Variants in CAPRIN2 observed in about 807,000 individuals in gnomAD.
CAPRIN2 encodes caprin family member 2.
Under a neutral mutation model 130.4 loss-of-function variants are expected in CAPRIN2, and 66 were observed. That is an observed-to-expected ratio of 0.51 (90% CI 0.42 to 0.62). The LOEUF (loss-of-function observed/expected upper bound fraction) is 0.62. CAPRIN2 is among the 20% of genes least tolerant of loss of function. The pLI is 0.00. For missense variants in CAPRIN2, 1,185 were observed against 1,246.6 expected (o/e 0.95, Z 0.74); for synonymous variants, 471 against 444.1 (o/e 1.06, Z -0.76).
At chr12:30,747,313 A>T (rs2071039659) in intron 2 of CAPRIN2, among the ~76,000 whole-genome samples, 1 of 152,228 alleles carries the variant, frequency 6.6e-6, no homozygotes, top group Non-Finnish European at 1.5e-5. Flanking sequence ...TGATGTTTTC[A>T]TGCCTGATAA....
At chr12:30,730,155 G>A in intron 7 of CAPRIN2, 84 bp downstream of exon 8, 1 of 1,129,010 alleles carries the variant, frequency 8.9e-7, no homozygotes, top group Non-Finnish European at 1.3e-6. Context: ...CAGGCAGTCT[G>A]GCTCCAGAGC....
intron 12 of CAPRIN2, among the ~76,000 whole-genome samples, chr12:30,717,935 C>T (rs73079959): frequency 0.073 from 11,052 of 152,230 alleles, 464 homozygotes; most frequent in Middle Eastern, 0.13. Context: ...AGCATACTTT[C>T]CTTTTTTCAC....
chr12:30,726,891 C>T (rs946435118), intron 8 of CAPRIN2, among the ~76,000 whole-genome samples: 1 of 152,092 alleles, frequency 6.6e-6, no homozygotes, highest in Non-Finnish European at 1.5e-5. Flanking sequence ...CTTGACTGTA[C>T]TTAGTCAATA....
chr12:30,734,922 A>G (rs780119829), intron 4 of CAPRIN2, 46 bp downstream of exon 5: 4 of 1,298,044 alleles, frequency 3.1e-6, no homozygotes, highest in South Asian at 2.4e-5. Context: ...CTAAAAAGCT[A>G]AAGTGTCAAG....
chr12:30,709,826 T>G (rs2053710409), exon 17 of CAPRIN2: 1 of 1,489,872 alleles, frequency 6.7e-7, no homozygotes, highest in African/African-American at 1.4e-5. Flanking sequence ...CAATCAGTCA[T>G]GAGGGCAAAG....
intron 3 of CAPRIN2, among the ~76,000 whole-genome samples, chr12:30,738,821 A>G (rs2066021155): frequency 1.3e-5 from 2 of 152,260 alleles, no homozygotes; most frequent in Non-Finnish European, 2.9e-5. Context: ...ATCACTGATC[A>G]TTAGAAAAAT....
rs929969658 is a variant in CAPRIN2 at position 30,727,757 on chromosome 12, T to A, written c.1782+891A>T. ...TCTCCAAAACCTAACTACAAAATAT[T>A]TAATGCCAACAGTTTTCCTATCTTT... is the stretch of plus-strand genomic sequence containing the variant. On this transcript the variant is annotated intron_variant, in intron 8 of 16. Coordinates refer to ENST00000298892, the Ensembl canonical transcript of CAPRIN2. 3.9e-4 allele frequency among the ~76,000 whole-genome samples: 59 copies of A among 152,198 alleles called. 1 individual carries two copies. The highest frequency in any genetic ancestry group is 1.4e-3 in the African/African-American group (56 of 41,452).
intron 9 of CAPRIN2, 137 bp downstream of exon 10, chr12:30,725,828 TA>T: frequency 1.7e-6 from 1 of 601,382 alleles, no homozygotes; most frequent in Non-Finnish European, 2.5e-6. Flanking sequence ...GTAATTTGCC[TA>T]AACTCCAGGC....
chr12:30,752,365 A>G (rs1056770084), intron 1 of CAPRIN2, among the ~76,000 whole-genome samples: 4 of 152,192 alleles, frequency 2.6e-5, no homozygotes, highest in African/African-American at 9.7e-5. Context: ...GCTAGAGAGC[A>G]TAAGCATACA....
chr12:30,754,951 G>A (rs2075590110), upstream of CAPRIN2: 1 of 152,490 alleles, frequency 6.6e-6, no homozygotes, highest in South Asian at 1.8e-4. Context: ...CTCGCGCCCA[G>A]GCCCGCCCAC....
exon 1 of CAPRIN2, chr12:30,753,503 G>C (rs765496582): frequency 6.2e-7 from 1 of 1,614,178 alleles, no homozygotes; most frequent in Non-Finnish European, 8.5e-7. Flanking sequence ...GGTTCACTTG[G>C]GGCTTGGCTG....
intron 13 of CAPRIN2, 52 bp from the exon 16 acceptor site, chr12:30,715,193 TATACTTAAAAGCCAATATATATCAA>T: frequency 6.7e-7 from 1 of 1,481,758 alleles, no homozygotes; most frequent in Non-Finnish European, 9.4e-7. Context: ...TAATAGTCTT[TATACTTAAAAGCCAATATATATCAA>T]AATCATTAAT....
chr12:30,732,756 T>G (rs1294361166), intron 5 of CAPRIN2, among the ~76,000 whole-genome samples: 1 of 152,082 alleles, frequency 6.6e-6, no homozygotes, highest in African/African-American at 2.4e-5. Flanking sequence ...TAGATTCCAC[T>G]GCATGGGTAT....
In CAPRIN2 at chr12:30,730,228, C is replaced by T; in HGVS notation, c.1104+11G>A. On this transcript the variant is annotated intron_variant, in intron 7 of 16. Coordinates refer to ENST00000298892, the Ensembl canonical transcript of CAPRIN2. ...AAATCAACATCAGCAAATTGTCTTT[C>T]AGTATCTTACCTCTTGTGGTTGTAT... is the stretch of plus-strand genomic sequence containing the variant. 6.2e-7 allele frequency: 1 copy of T among 1,605,922 alleles called. No homozygotes were observed. The highest frequency in any genetic ancestry group is 1.1e-5 in the South Asian group (1 of 90,760).
At position 30,731,574 on chromosome 12, in the gene CAPRIN2, A is replaced by C; in HGVS notation, c.893-64T>G. The stretch of plus-strand genomic sequence containing the variant: ...TAATTGAAAATTACTGGGAATAGAA[A>C]TCCTAATTTTATCCTAGTTGTAGTA... On this transcript the variant is annotated intron_variant, in intron 5 of 16. Transcript: ENST00000298892. 3 of 1,335,980 alleles carry C rather than the reference A, an allele frequency of 2.2e-6. No individual in the cohort carries two copies. In the East Asian group the frequency reaches 6.9e-5, roughly 31 times the overall value. 82.8% of individuals were successfully genotyped at this position (1,335,980 alleles called of 1,614,324 possible).
chr12:30,712,329 T>C (rs187478478), intron 15 of CAPRIN2, among the ~76,000 whole-genome samples: 2 of 152,280 alleles, frequency 1.3e-5, no homozygotes, highest in South Asian at 2.1e-4. Context: ...AGTTGCCCCT[T>C]TGCAATAGCA....
chr12:30,751,764 GA>G (rs2073971874), intron 1 of CAPRIN2: 1 of 142,660 alleles, frequency 7.0e-6, no homozygotes, highest in Non-Finnish European at 1.5e-5. Flanking sequence ...TGGAAGTACA[GA>G]AACACCAAGA....
At position 30,724,297 on chromosome 12, in the gene CAPRIN2, T is replaced by C. The variant is rs1175761332; in HGVS notation, c.1987+73A>G. 7.7e-6 allele frequency: 7 copies of C among 910,828 alleles called. No individual in the cohort carries two copies. In the South Asian group the frequency reaches 9.6e-5, roughly 12 times the overall value. 56.4% of individuals were successfully genotyped at this position (910,828 alleles called of 1,614,324 possible). A position where few individuals can be genotyped will look rare whatever the true frequency, so the allele number is the denominator to read the frequency against. On this transcript the variant is annotated intron_variant, in intron 10 of 16. Transcript: ENST00000298892. ...TATTAGGACATCTAAAATAAAATCA[T>C]TTGAAAAGACAACAACAACAAATAG...
At chr12:30,729,405 T>C in intron 7 of CAPRIN2, 80 bp from the exon 9 acceptor site, 1 of 981,182 alleles carries the variant, frequency 1.0e-6, no homozygotes, top group Non-Finnish European at 1.5e-6. Flanking sequence ...TTAGTATTGC[T>C]ATGTCCTCTG....
Sources: gnomAD v4.1 joint callset for allele counts (sites outside exome capture counted in the v4.1 genomes callset) on GRCh38, gnomAD v4.1.1 for gene constraint, MANE v1.5 for transcripts, NCBI Gene and HGNC (gene_info 2026-07-23, HGNC 2026-07-21) for gene names.